Variants in INVS observed in about 807,000 individuals in gnomAD.
INVS encodes the protein inversin.
Under a neutral mutation model 108.8 loss-of-function variants are expected in INVS, and 86 were observed. The observed-to-expected ratio is 0.79, with a 90% CI of 0.66 to 0.95. INVS has a LOEUF of 0.95. Ranked by LOEUF, INVS falls within the 40% of genes least tolerant of loss-of-function variation. The pLI is 0.00. For missense variants in INVS, 1,169 were observed against 1,297.4 expected (o/e 0.90, Z 1.52); for synonymous variants, 455 against 473.5 (o/e 0.96, Z 0.51).
At chr9:100,135,930 C>T (rs144937511) in intron 3 of INVS, among the ~76,000 whole-genome samples, 4 of 151,798 alleles carry the variant, frequency 2.6e-5, no homozygotes, top group East Asian at 1.9e-4. Flanking sequence ...GGAGACAGTA[C>T]AAGATAGGAG....
At chr9:100,299,583 CA>C (rs1833895344) in intron 16 of INVS, among the ~76,000 whole-genome samples, 2 of 123,312 alleles carry the variant, frequency 1.6e-5, no homozygotes, top group African/African-American at 3.2e-5. Flanking sequence ...CACACACACA[CA>C]CACACAGCCT....
At chr9:100,220,008 G>A (rs955936648) in intron 3 of INVS, among the ~76,000 whole-genome samples, 4 of 151,998 alleles carry the variant, frequency 2.6e-5, no homozygotes, top group Non-Finnish European at 5.9e-5. Flanking sequence ...GGACACAAAG[G>A]AAGTATTAAC....
At chr9:100,153,491 A>C (rs1024082600) in intron 3 of INVS, among the ~76,000 whole-genome samples, 24 of 152,212 alleles carry the variant, frequency 1.6e-4, no homozygotes, top group African/African-American at 5.5e-4. Context: ...ACAAAGAGAT[A>C]ACATGCTTCA....
chr9:100,284,453 C>T lies in INVS; in HGVS notation c.1918C>T (p.Pro640Ser). Reference sequence around the variant, plus strand: ...TGTGCCCAGCAGGCAGAGCCGGGCCCCCAGCAAGCAGCCTCCTGCTGGCAA... The same window carrying T: ...TGTGCCCAGCAGGCAGAGCCGGGCCTCCAGCAAGCAGCCTCCTGCTGGCAA... ...QDVPSRQSRA[P>S]SKQPPAGNVA... Residue 640 changes from proline to serine, a missense_variant, in exon 13 of 17, where the codon CCC (proline) becomes TCC (serine). Physicochemically the swap from Pro to Ser is moderately conservative, Grantham distance 74. Transcript: ENST00000262457. 1.2e-6 allele frequency: 2 copies of T among 1,614,188 alleles called. No individual in the cohort carries two copies. Among genetic ancestry groups the T allele is most frequent in the Non-Finnish European group, 1.7e-6 (2 of 1,180,026 alleles).
intron 3 of INVS, among the ~76,000 whole-genome samples, chr9:100,192,290 GAAT>G (rs1268718453): frequency 8.3e-6 from 1 of 121,066 alleles, no homozygotes; most frequent in Non-Finnish European, 1.7e-5. Context: ...TGTGTAAATG[GAAT>G]AATGCAGTAT....
chr9:100,224,751 G>T (rs1170771981), intron 3 of INVS, among the ~76,000 whole-genome samples: 1 of 151,998 alleles, frequency 6.6e-6, no homozygotes, highest in African/African-American at 2.4e-5. Context: ...GAGTAACTGG[G>T]ATTACAGGCG....
At chr9:100,295,130 C>T (rs1833751565) in intron 14 of INVS, among the ~76,000 whole-genome samples, 1 of 152,152 alleles carries the variant, frequency 6.6e-6, no homozygotes, top group African/African-American at 2.4e-5. Flanking sequence ...AACAAGCCAG[C>T]AAGGTTTACC....
intron 3 of INVS, chr9:100,214,797 G>C (rs1338690187): frequency 6.6e-6 from 1 of 152,264 alleles, no homozygotes; most frequent in Non-Finnish European, 1.5e-5. Context: ...CTCAGCTGCT[G>C]TTTGATTCAG....
intron 12 of INVS, among the ~76,000 whole-genome samples, chr9:100,283,658 C>T (rs886762667): frequency 3.3e-5 from 5 of 152,194 alleles, no homozygotes; most frequent in Non-Finnish European, 5.9e-5. Context: ...CCCAGCCCTT[C>T]TCTGTTCTCC....
intron 3 of INVS, chr9:100,175,896 C>T (rs961197858): frequency 4.2e-5 from 25 of 595,494 alleles, no homozygotes; most frequent in South Asian, 1.5e-4. Context: ...GTCCTGCATG[C>T]GGTTCCAGCA....
At chr9:100,224,738 C>T (rs1831256894) in intron 3 of INVS, among the ~76,000 whole-genome samples, 1 of 152,026 alleles carries the variant, frequency 6.6e-6, no homozygotes, top group Non-Finnish European at 1.5e-5. Context: ...GCCTCAGCCT[C>T]CCGAGTAACT....
At chr9:100,178,535 T>C (rs1046131429) in intron 3 of INVS, among the ~76,000 whole-genome samples, 3 of 152,080 alleles carry the variant, frequency 2.0e-5, no homozygotes, top group African/African-American at 7.2e-5. Context: ...GAAGAAAGAA[T>C]ATCAGAGACT....
chr9:100,151,139 A>T (rs1373405996), intron 3 of INVS, among the ~76,000 whole-genome samples: 2 of 152,178 alleles, frequency 1.3e-5, no homozygotes, highest in East Asian at 3.9e-4. Context: ...AACAGTCAGA[A>T]CAAAGGCCTT....
At chr9:100,101,539 C>A (rs2181579) in intron 1 of INVS, 68,988 of 151,950 alleles carry the variant, frequency 0.45, 17,149 homozygotes, top group East Asian at 0.9. Flanking sequence ...TTCTGCCAGT[C>A]CTTAACTCAA....
chr9:100,243,187 T>C (rs898939234), intron 7 of INVS, among the ~76,000 whole-genome samples: 5 of 152,248 alleles, frequency 3.3e-5, no homozygotes, highest in Non-Finnish European at 2.9e-5. Context: ...CAGCCACGTG[T>C]AATTGTCCTT....
intron 2 of INVS, chr9:100,116,670 C>G (rs771645607): frequency 2.9e-5 from 12 of 408,404 alleles, no homozygotes; most frequent in Admixed American, 4.6e-5. Context: ...TCAATTGCTT[C>G]TAAAAGTTTT....
rs767167091 is a variant in INVS, at chr9:100,272,882, T to C, written c.1590T>C (p.Tyr530=). 4 of 1,614,070 alleles carry C rather than the reference T, an allele frequency of 2.5e-6. No homozygotes were observed. Among genetic ancestry groups the C allele is most frequent in the East Asian group, 4.5e-5 (2 of 44,876 alleles). The part of the protein sequence containing the change: ...NNEERYTPLD[Y]ALLGERHEVI... Reference sequence around the variant, plus strand: ...ACTTCAGATACACACCCCTTGATTATGCTTTGCTTGGTGAGCGCCATGAAG... The same window carrying C: ...ACTTCAGATACACACCCCTTGATTACGCTTTGCTTGGTGAGCGCCATGAAG... The change falls in exon 12 of 17, where the codon TAT becomes TAC. Residue 530 remains tyrosine, a synonymous_variant. Transcript: ENST00000262457.
chr9:100,258,846 G>A (rs111664976), intron 10 of INVS, among the ~76,000 whole-genome samples: 3 of 152,214 alleles, frequency 2.0e-5, no homozygotes, highest in East Asian at 1.9e-4. Flanking sequence ...ATGTCTCCCC[G>A]TTAGGCTATT....
rs544394406 is a variant in INVS at position 100,184,747 on chromosome 9, A to G, written c.274-41315A>G. On this transcript the variant is annotated intron_variant, in intron 3 of 16. Transcript: ENST00000262457. Reference sequence around the variant, plus strand: ...TGGGGGAAAGTAAGGGGAGCACTCAAAGAGATCTTTCAGAGCATCTCAAGC... The same window carrying G: ...TGGGGGAAAGTAAGGGGAGCACTCAGAGAGATCTTTCAGAGCATCTCAAGC... Among the ~76,000 whole-genome samples the G allele has an allele frequency of 7.9e-5, 12 of 152,250 alleles. No homozygotes were observed. In the South Asian group the frequency reaches 1.4e-3, roughly 18 times the overall value.
Sources: gnomAD v4.1 joint callset for allele counts (sites outside exome capture counted in the v4.1 genomes callset) on GRCh38, gnomAD v4.1.1 for gene constraint, MANE v1.5 for transcripts, NCBI Gene and HGNC (gene_info 2026-07-23, HGNC 2026-07-21) for gene names.